The following KYAT3 variants were observed in gnomAD, a reference collection of about 807,000 sequenced individuals.
The protein encoded by KYAT3 is kynurenine aminotransferase 3, also known as kynurenine--oxoglutarate transaminase 3.
In KYAT3, 50 loss-of-function variants were observed where a neutral mutation model predicts 59.0. That is an observed-to-expected ratio of 0.85 (90% CI 0.68 to 1.07). The LOEUF is 1.07. KYAT3 is among the 50% of genes least tolerant of loss of function. The pLI is 0.00. For synonymous variants in KYAT3, 148 were observed against 177.0 expected (o/e 0.84, Z 1.30); for missense variants, 497 against 533.3 (o/e 0.93, Z 0.67).
intron 2 of KYAT3, among the ~76,000 whole-genome samples, chr1:88,975,896 G>A (rs762105168): frequency 2.6e-5 from 4 of 152,070 alleles, no homozygotes; most frequent in Admixed American, 6.6e-5. Flanking sequence ...TGAGCTAAGC[G>A]TGGTGGCAAG....
At chr1:88,985,410 G>A (rs1453157741) in intron 2 of KYAT3, among the ~76,000 whole-genome samples, 3 of 152,176 alleles carry the variant, frequency 2.0e-5, no homozygotes, top group Admixed American at 1.3e-4. Context: ...TGTTTCTTCT[G>A]GGCACATGAA....
At chr1:88,968,612 GA>G in intron 4 of KYAT3, 57 bp downstream of exon 4, 4 of 1,360,904 alleles carry the variant, frequency 2.9e-6, no homozygotes, top group Non-Finnish European at 3.0e-6. Flanking sequence ...CACACACACA[GA>G]CACACACCCC....
intron 3 of KYAT3, among the ~76,000 whole-genome samples, 160 bp downstream of exon 3, chr1:88,969,249 G>A (rs1490593137): frequency 6.6e-6 from 1 of 152,168 alleles, no homozygotes; most frequent in East Asian, 1.9e-4. Flanking sequence ...GAACAATTCA[G>A]TATATGGATT....
the KYAT3 span, among the ~76,000 whole-genome samples, chr1:88,929,504 A>C: frequency 6.6e-6 from 1 of 152,256 alleles, no homozygotes; most frequent in Admixed American, 6.5e-5. Flanking sequence ...TTTTACCCCA[A>C]GGGTTCAGGG....
intron 4 of KYAT3, among the ~76,000 whole-genome samples, chr1:88,967,663 T>C (rs1451128984): frequency 1.3e-5 from 2 of 152,162 alleles, no homozygotes; most frequent in African/African-American, 4.8e-5. Flanking sequence ...TTCATCCAAG[T>C]TGTCAATGTA....
At chr1:88,942,649 T>G (rs1288370772) in intron 13 of KYAT3, among the ~76,000 whole-genome samples, 2 of 151,994 alleles carry the variant, frequency 1.3e-5, no homozygotes, top group Non-Finnish European at 2.9e-5. Context: ...TGCAAGCTCT[T>G]CCTCGCGGGT....
intron 5 of KYAT3, among the ~76,000 whole-genome samples, chr1:88,964,184 A>G (rs1676253030): frequency 6.6e-6 from 1 of 152,138 alleles, no homozygotes; most frequent in Admixed American, 6.5e-5. Context: ...CCTGGGCAAC[A>G]AAGTGGGACT....
downstream of KYAT3, among the ~76,000 whole-genome samples, chr1:88,934,953 T>G (rs1271522882): frequency 6.6e-6 from 1 of 151,728 alleles, no homozygotes; most frequent in African/African-American, 2.4e-5. Flanking sequence ...TTTTGTGAAA[T>G]AGTGGATTTG....
chr1:88,935,625 G>A (rs1158915069), downstream of KYAT3: 1 of 177,586 alleles, frequency 5.6e-6, no homozygotes, highest in African/African-American at 2.4e-5. Context: ...AATAACAGCA[G>A]TACTTGGGGT....
intron 4 of KYAT3, among the ~76,000 whole-genome samples, chr1:88,967,540 AG>A (rs1676392686): frequency 6.6e-6 from 1 of 152,078 alleles, no homozygotes. Flanking sequence ...GTTTGTTTGC[AG>A]GAAGACTTTA....
At chr1:88,931,129 C>T (rs1674898520), downstream of KYAT3, among the ~76,000 whole-genome samples, 1 of 152,052 alleles carries the variant, frequency 6.6e-6, no homozygotes, top group Non-Finnish European at 1.5e-5. Flanking sequence ...AACCCTTCAC[C>T]AAACCTTTCA....
At chr1:88,988,820 C>T (rs967575470) in intron 1 of KYAT3, among the ~76,000 whole-genome samples, 9 of 152,130 alleles carry the variant, frequency 5.9e-5, no homozygotes, top group East Asian at 1.9e-4. Flanking sequence ...TTTGAAAAGA[C>T]GAATGATAGT....
chr1:88,933,050 GCTGTCT>G (rs1440165331), downstream of KYAT3, among the ~76,000 whole-genome samples: 1 of 152,070 alleles, frequency 6.6e-6, no homozygotes, highest in East Asian at 1.9e-4. Context: ...TCTGCACAAG[GCTGTCT>G]CCCTTCCCTC....
intron 1 of KYAT3, among the ~76,000 whole-genome samples, chr1:88,990,476 G>C (rs1345902268): frequency 3.3e-5 from 5 of 152,136 alleles, no homozygotes; most frequent in African/African-American, 1.2e-4. Flanking sequence ...TGGACATTTT[G>C]CAATTCTCAC....
intron 2 of KYAT3, chr1:88,981,300 G>A (rs1367153193): frequency 2.0e-5 from 3 of 152,196 alleles, no homozygotes; most frequent in Non-Finnish European, 2.9e-5. Flanking sequence ...ACCAGATAGA[G>A]CTACCACTTA....
In KYAT3 at chr1:88,962,094, C is replaced by G; in HGVS notation, c.505G>C (p.Ala169Pro). 6.2e-7 allele frequency: 1 copy of G among 1,613,998 alleles called. No homozygotes were observed. The highest frequency in any genetic ancestry group is 8.5e-7 in the Non-Finnish European group (1 of 1,179,934). ...YDCYEPMVRM[A>P]GATPVFIPLR... ...GGAATAAAAACAGGTGTTGCTCCAG[C>G]CATTCTCACCATGGGCTCATAGCAG... The change falls in exon 6 of 14, where the codon GCT becomes CCT. Residue 169 changes from alanine to proline, a missense_variant. Physicochemically the swap from Ala to Pro is conservative, Grantham distance 27. Transcript: ENST00000260508.
chr1:88,991,755 T>G (rs968243698), intron 1 of KYAT3, among the ~76,000 whole-genome samples: 4 of 152,260 alleles, frequency 2.6e-5, no homozygotes, highest in Non-Finnish European at 4.4e-5. Flanking sequence ...GCCTGGCTGA[T>G]AGCAGGAATT....
At chr1:88,930,234 T>G in the KYAT3 span, among the ~76,000 whole-genome samples, 1 of 152,184 alleles carries the variant, frequency 6.6e-6, no homozygotes, top group Admixed American at 6.5e-5. Context: ...GAAGAGATCT[T>G]ACTGTGTGGA....
intron 1 of KYAT3, among the ~76,000 whole-genome samples, chr1:88,992,098 C>T (rs557156311): frequency 9.8e-4 from 149 of 151,900 alleles, no homozygotes; most frequent in African/African-American, 3.6e-3. Flanking sequence ...CCTGCCTCAG[C>T]CTCCCGAGTA....
Sources: gnomAD v4.1 joint callset for allele counts (sites outside exome capture counted in the v4.1 genomes callset) on GRCh38, gnomAD v4.1.1 for gene constraint, MANE v1.5 for transcripts, NCBI Gene and HGNC (gene_info 2026-07-23, HGNC 2026-07-21) for gene names.